The following LRMDA variants were observed in gnomAD, a reference collection of about 807,000 sequenced individuals.
LRMDA encodes the protein leucine-rich melanocyte differentiation-associated protein.
LRMDA carries 18 observed loss-of-function variants against 29.8 expected under a neutral mutation model. The ratio of observed to expected loss-of-function variants is 0.60; its 90% CI spans 0.42 to 0.90. The LOEUF is 0.90. Among genes scored for constraint, LRMDA ranks in the 40% least tolerant of loss-of-function variants. The pLI is 0.00. For synonymous variants in LRMDA, 125 were observed against 109.4 expected (o/e 1.14, Z -0.89); for missense variants, 273 against 273.9 (o/e 1.00, Z 0.02).
intron 2 of LRMDA, among the ~76,000 whole-genome samples, chr10:75,543,688 T>C (rs192823620): frequency 1.3e-5 from 2 of 152,300 alleles, no homozygotes; most frequent in Admixed American, 1.3e-4. Flanking sequence ...TTTTTTAAAT[T>C]CTCCAAAGAT....
intron 2 of LRMDA, among the ~76,000 whole-genome samples, chr10:75,591,962 G>C (rs933010687): frequency 1.3e-5 from 2 of 152,022 alleles, no homozygotes; most frequent in Non-Finnish European, 2.9e-5. Flanking sequence ...GCAGTGTCAG[G>C]AGATGGTGGG....
At chr10:75,492,937 G>A (rs1407228286) in intron 2 of LRMDA, among the ~76,000 whole-genome samples, 2 of 152,144 alleles carry the variant, frequency 1.3e-5, no homozygotes, top group African/African-American at 4.8e-5. Flanking sequence ...AGCATTTATT[G>A]AACAAAGCTC....
chr10:76,285,617 G>A (rs759000584), intron 5 of LRMDA, among the ~76,000 whole-genome samples: 19 of 152,042 alleles, frequency 1.2e-4, no homozygotes, highest in Non-Finnish European at 2.5e-4. Flanking sequence ...TTATGCCCCT[G>A]AGGGTCTTTT....
intron 2 of LRMDA, among the ~76,000 whole-genome samples, chr10:75,735,409 G>A (rs1842750000): frequency 6.6e-6 from 1 of 152,160 alleles, no homozygotes; most frequent in African/African-American, 2.4e-5. Flanking sequence ...GTTAGGTTGA[G>A]TTGAGTTGAG....
intron 2 of LRMDA, among the ~76,000 whole-genome samples, chr10:75,729,736 A>T (rs140381333): frequency 6.6e-6 from 1 of 152,206 alleles, no homozygotes; most frequent in African/African-American, 2.4e-5. Flanking sequence ...GACCCACACC[A>T]AACAGTGATA....
chr10:75,832,167 A>G (rs1259239681), intron 2 of LRMDA, among the ~76,000 whole-genome samples: 1 of 152,178 alleles, frequency 6.6e-6, no homozygotes, highest in African/African-American at 2.4e-5. Context: ...AATTTTCGAA[A>G]TTTTAATGCT....
chr10:75,506,914 G>T (rs1402772502), intron 2 of LRMDA, among the ~76,000 whole-genome samples: 1 of 152,164 alleles, frequency 6.6e-6, no homozygotes, highest in Non-Finnish European at 1.5e-5. Context: ...GAAGTTCCTG[G>T]TGTGAGGAGC....
intron 2 of LRMDA, among the ~76,000 whole-genome samples, chr10:75,515,427 C>T (rs796931165): frequency 6.6e-5 from 10 of 152,304 alleles, no homozygotes; most frequent in African/African-American, 2.4e-4. Context: ...GGCAGGAATG[C>T]AGTGGCACAG....
chr10:76,084,290 C>T (rs887860390), intron 5 of LRMDA, among the ~76,000 whole-genome samples: 6 of 151,520 alleles, frequency 4.0e-5, no homozygotes, highest in South Asian at 2.1e-4. Context: ...CTCTGCCTCC[C>T]GAGTTCAAGC....
chr10:75,958,608 A>G (rs1301398911), intron 2 of LRMDA, among the ~76,000 whole-genome samples: 2 of 152,128 alleles, frequency 1.3e-5, no homozygotes, highest in Non-Finnish European at 2.9e-5. Flanking sequence ...TAGAGTTTTG[A>G]TTTTTAATAA....
chr10:76,288,871 C>A (rs1840305187), intron 5 of LRMDA, among the ~76,000 whole-genome samples: 1 of 152,092 alleles, frequency 6.6e-6, no homozygotes, highest in Non-Finnish European at 1.5e-5. Context: ...GATGGAGGGC[C>A]AGCCCCTTGC....
chr10:75,781,433 C>T (rs768225050), intron 2 of LRMDA, among the ~76,000 whole-genome samples: 13 of 152,060 alleles, frequency 8.5e-5, no homozygotes, highest in Admixed American at 2.6e-4. Flanking sequence ...ATTTATTATT[C>T]ACCATGAGAA....
chr10:75,908,175 G>C (rs1043419570), intron 2 of LRMDA, among the ~76,000 whole-genome samples: 1 of 152,196 alleles, frequency 6.6e-6, no homozygotes, highest in African/African-American at 2.4e-5. Context: ...CTTTCCAAAA[G>C]GAAAGCTTTG....
At chr10:76,087,221 C>T (rs150629582) in intron 5 of LRMDA, among the ~76,000 whole-genome samples, 115 of 152,260 alleles carry the variant, frequency 7.6e-4, no homozygotes, top group African/African-American at 2.6e-3. Flanking sequence ...AGGTCAGGTA[C>T]TAGCTGTCTT....
At chr10:75,706,819 C>T (rs922505603) in intron 2 of LRMDA, among the ~76,000 whole-genome samples, 9 of 144,952 alleles carry the variant, frequency 6.2e-5, no homozygotes, top group African/African-American at 1.3e-4. Context: ...AGTCAGAATT[C>T]GAAGTCAGGT....
At chr10:76,189,938 T>C (rs1316147290) in intron 5 of LRMDA, among the ~76,000 whole-genome samples, 1 of 152,196 alleles carries the variant, frequency 6.6e-6, no homozygotes, top group African/African-American at 2.4e-5. Context: ...GAGGGTGAAG[T>C]GAAATCTGGC....
chr10:75,766,404 G>A (rs1843168640), intron 2 of LRMDA, among the ~76,000 whole-genome samples: 2 of 152,056 alleles, frequency 1.3e-5, no homozygotes. Context: ...TGAAGGAGTG[G>A]AAGAATAAAC....
intron 2 of LRMDA, among the ~76,000 whole-genome samples, chr10:75,871,245 G>A (rs964740276): frequency 6.6e-6 from 1 of 152,138 alleles, no homozygotes; most frequent in African/African-American, 2.4e-5. Context: ...GCAGAGTTTC[G>A]CATGGGCTTA....
chr10:75,674,144 G>A (rs1050533650), intron 2 of LRMDA, among the ~76,000 whole-genome samples: 8 of 152,166 alleles, frequency 5.3e-5, no homozygotes, highest in Non-Finnish European at 1.2e-4. Context: ...ATTTCTGCTT[G>A]TGCGTGTGTG....
Sources: gnomAD v4.1 joint callset for allele counts (sites outside exome capture counted in the v4.1 genomes callset) on GRCh38, gnomAD v4.1.1 for gene constraint, MANE v1.5 for transcripts, NCBI Gene and HGNC (gene_info 2026-07-23, HGNC 2026-07-21) for gene names.